Variants in C2CD2 observed in about 807,000 individuals in gnomAD.
C2CD2 encodes C2 domain-containing protein 2.
A neutral mutation model predicts 74.3 loss-of-function variants in C2CD2; 43 were observed. That is an observed-to-expected ratio of 0.58 (90% CI 0.45 to 0.75). C2CD2 has a LOEUF of 0.75. C2CD2 is among the 30% of genes least tolerant of loss of function. The probability of loss-of-function intolerance (pLI) is 0.00; values close to 1 mark genes in which losing one functional copy is unlikely to be tolerated. For synonymous variants in C2CD2, 422 were observed against 390.7 expected, an observed-to-expected ratio of 1.08 and a Z score of -0.94; for missense variants, 801 against 916.3, an observed-to-expected ratio of 0.87 and a Z score of 1.63.
intron 13 of C2CD2, among the ~76,000 whole-genome samples, chr21:41,893,405 A>C (rs2064780296): frequency 6.6e-6 from 1 of 152,192 alleles, no homozygotes; most frequent in Non-Finnish European, 1.5e-5. Context: ...AAACTGCCTA[A>C]AATTCTAATT....
rs190879129 is a variant in C2CD2, at chr21:41,888,085, C to T, written c.*1039G>A. On this transcript the variant is annotated 3_prime_UTR_variant, in exon 14 of 14. Transcript: ENST00000380486. ...GACTGTTCACAGCAAAATTCTGAAG[C>T]GCTCATAGAAGGAATGTCCTGCGAG... 680 of 152,736 alleles carry T rather than the reference C, an allele frequency of 4.5e-3. 8 individuals are homozygous for T. The highest frequency in any genetic ancestry group is 6.7e-3 in the Non-Finnish European group (459 of 68,040). The allele number at this position is 152,736 out of a possible 1,614,324, so 9.5% of individuals were successfully genotyped here. A position where few individuals can be genotyped will look rare whatever the true frequency, so the allele number is the denominator to read the frequency against.
At position 41,916,664 on chromosome 21, in the gene C2CD2, TACACACACACAC is replaced by T. The variant is rs10580778; in HGVS notation, c.720+1429_720+1440del. Among the ~76,000 whole-genome samples, 103 of 144,746 alleles carry T rather than the reference TACACACACACAC, an allele frequency of 7.1e-4. 1 individual carries two copies. Among genetic ancestry groups the T allele is most frequent in the South Asian group, 4.1e-3 (18 of 4,352 alleles). The allele number at this position is 144,746 out of a possible 152,430, so 95.0% of individuals were successfully genotyped here. A position where few individuals can be genotyped will look rare whatever the true frequency, so the allele number is the denominator to read the frequency against. ...AGCCTTCATAACTGTGTGAGCTGAT[TACACACACACAC>T]ACACACACACACACACACACACACA... On this transcript the variant is annotated intron_variant, in intron 5 of 13. Coordinates refer to ENST00000380486, the MANE Select transcript of C2CD2 (RefSeq NM_015500.2).
chr21:41,910,233 C>CT (rs201499710), intron 7 of C2CD2, among the ~76,000 whole-genome samples: 2,444 of 152,260 alleles, frequency 0.016, 70 homozygotes, highest in African/African-American at 0.056. Context: ...GCTCTTTGCC[C>CT]TTAGGAGATT....
chr21:41,926,955 C>G lies in C2CD2; in HGVS notation c.379-4870G>C, dbSNP rs1363864177. On this transcript the variant is annotated intron_variant, in intron 2 of 13. Transcript: ENST00000380486. This position sits in a 1 kb window ranked among gnomAD's most constrained non-coding sequence, Gnocchi z 8.0. The stretch of plus-strand genomic sequence containing the variant: ...ACCCTTCAGTAATCATCTGGATTTC[C>G]TAGTCAGATGTCTTTCCCCACTCTG... Among the ~76,000 whole-genome samples the G allele has an allele frequency of 6.6e-6, 1 of 152,186 alleles. No homozygotes were observed. Among genetic ancestry groups the G allele is most frequent in the African/African-American group, 2.4e-5 (1 of 41,456 alleles).
intron 1 of C2CD2, chr21:41,953,083 C>A: frequency 2.8e-6 from 1 of 358,944 alleles, no homozygotes; most frequent in Non-Finnish European, 5.0e-6. Flanking sequence ...CTGGCTGGCG[C>A]GGATGAGCAC....
Position 41,945,116 on chromosome 21 carries a change from T to A in C2CD2, c.280-2871A>T, listed in dbSNP as rs1445397646. ...TAGAACTGAACACATAAGTAGTAAG[T>A]AAATAAGACAGCAGGTGTGCAATGT... On this transcript the variant is annotated intron_variant, in intron 1 of 13. Coordinates refer to ENST00000380486, the MANE Select transcript of C2CD2 (RefSeq NM_015500.2). This position sits in a 1 kb window ranked among gnomAD's most constrained non-coding sequence, Gnocchi z 4.2. 6.6e-6 allele frequency among the ~76,000 whole-genome samples: 1 copy of A among 152,178 alleles called. No individual in the cohort carries two copies. The highest frequency in any genetic ancestry group is 1.5e-5 in the Non-Finnish European group (1 of 68,026).
At chr21:41,906,099 C>T (rs2146164365) in intron 10 of C2CD2, among the ~76,000 whole-genome samples, 1 of 152,332 alleles carries the variant, frequency 6.6e-6, no homozygotes, top group East Asian at 1.9e-4. Context: ...CTCATGCACT[C>T]TGGGAGGATA....
At chr21:41,907,228 G>A in intron 9 of C2CD2, 62 bp from the exon 10 acceptor site, 1 of 1,279,044 alleles carries the variant, frequency 7.8e-7, no homozygotes, top group Non-Finnish European at 1.1e-6. Flanking sequence ...TGATCAGCCA[G>A]GTAACACTGC....
intron 2 of C2CD2, among the ~76,000 whole-genome samples, chr21:41,930,712 A>C (rs1292262913): frequency 8.4e-6 from 1 of 119,108 alleles, no homozygotes; most frequent in Non-Finnish European, 2.0e-5. Context: ...AAAACAAAAC[A>C]AAAAAAAAAA....
rs1454011807 is a variant in C2CD2, at chr21:41,886,067, C to T, written c.*3057G>A. On this transcript the variant is annotated 3_prime_UTR_variant, in exon 14 of 14. Coordinates refer to ENST00000380486, the MANE Select transcript of C2CD2 (RefSeq NM_015500.2). ...CACTTAAAGCTCCATTTCACTCCTCCACAAAGAACAGAGGCACCTCCTTAA... is the reference window on the plus strand; with the variant it reads ...CACTTAAAGCTCCATTTCACTCCTCTACAAAGAACAGAGGCACCTCCTTAA... 6.6e-6 allele frequency: 1 copy of T among 152,242 alleles called. No homozygotes were observed. The highest frequency in any genetic ancestry group is 2.4e-5 in the African/African-American group (1 of 41,444). The allele number at this position is 152,242 out of a possible 1,614,324, so 9.4% of individuals were successfully genotyped here. A position where few individuals can be genotyped will look rare whatever the true frequency, so the allele number is the denominator to read the frequency against.
chr21:41,934,733 G>A (rs1321200762), intron 2 of C2CD2, among the ~76,000 whole-genome samples: 1 of 152,184 alleles, frequency 6.6e-6, no homozygotes, highest in African/African-American at 2.4e-5. Flanking sequence ...CCGTCTAGGG[G>A]GTGGACAGTA....
intron 4 of C2CD2, 148 bp from the exon 5 acceptor site, chr21:41,918,375 A>G (rs2065116583): frequency 1.1e-6 from 1 of 915,872 alleles, no homozygotes; most frequent in African/African-American, 1.7e-5. Flanking sequence ...AAAACTGTGG[A>G]AAGAAAGGAC....
In C2CD2 at chr21:41,905,820, G is replaced by A. The variant is rs748046327; in HGVS notation, c.1336C>T (p.Pro446Ser). ...PLSSDSPVKTPIKVKVIEKDI... is the reference protein window; with the variant it reads ...PLSSDSPVKTSIKVKVIEKDI... Reference sequence around the variant, plus strand: ...TTCTCGATCACCTTCACCTTGATGGGAGTCTTCACCGGAGAATCTGCCAGA... The same window carrying A: ...TTCTCGATCACCTTCACCTTGATGGAAGTCTTCACCGGAGAATCTGCCAGA... Residue 446 changes from proline to serine, a missense_variant, in exon 11 of 14, where the codon CCC becomes TCC. Transcript: ENST00000380486. 8 of 1,596,942 alleles carry A rather than the reference G, an allele frequency of 5.0e-6. No homozygotes were observed. Among genetic ancestry groups the A allele is most frequent in the Non-Finnish European group, 5.2e-6 (6 of 1,164,350 alleles).
At position 41,939,458 on chromosome 21, in the gene C2CD2, G is replaced by C. The variant is rs2065336639; in HGVS notation, c.378+2689C>G. On this transcript the variant is annotated intron_variant, in intron 2 of 13. Coordinates refer to ENST00000380486, the MANE Select transcript of C2CD2 (RefSeq NM_015500.2). The surrounding 1 kb of genome is among the most constrained non-coding windows in gnomAD (Gnocchi z 5.5). ...ATACAGAAACCACCCAGCCACAAAG[G>C]GATGAAGTCTCTATTTGCCACAAAT... 1.3e-5 allele frequency among the ~76,000 whole-genome samples: 2 copies of C among 152,150 alleles called. No homozygotes were observed. The highest frequency in any genetic ancestry group is 1.3e-4 in the Admixed American group (2 of 15,278).
intron 7 of C2CD2, among the ~76,000 whole-genome samples, chr21:41,910,305 A>G (rs1364512274): frequency 6.6e-6 from 1 of 152,176 alleles, no homozygotes; most frequent in African/African-American, 2.4e-5. Flanking sequence ...CCACTATTTC[A>G]TAACTATACA....
intron 2 of C2CD2, among the ~76,000 whole-genome samples, chr21:41,935,393 C>A (rs568333297): frequency 6.6e-6 from 1 of 152,344 alleles, no homozygotes; most frequent in Non-Finnish European, 1.5e-5. Flanking sequence ...TCTTCTGTGT[C>A]TTTCAAGTTT....
chr21:41,949,163 G>A (rs963389355), intron 1 of C2CD2, among the ~76,000 whole-genome samples: 4 of 151,998 alleles, frequency 2.6e-5, no homozygotes, highest in East Asian at 1.9e-4. Flanking sequence ...CACGGGCAGC[G>A]GCCATCAGAG....
Position 41,887,780 on chromosome 21 carries a change from A to C in C2CD2, c.*1344T>G, listed in dbSNP as rs549438526. ...TGCCCATTTCCGTCTCCATGACAGA[A>C]GCCAAGCTTTCGTAACAGCCTTTTA... On this transcript the variant is annotated 3_prime_UTR_variant, in exon 14 of 14. Transcript: ENST00000380486. The C allele has an allele frequency of 6.6e-6, 1 of 152,364 alleles. No homozygotes were observed. Among genetic ancestry groups the C allele is most frequent in the East Asian group, 1.9e-4 (1 of 5,192 alleles). The allele number at this position is 152,364 out of a possible 1,614,324, so 9.4% of individuals were successfully genotyped here.
At chr21:41,925,192 A>G (rs2065196992) in intron 2 of C2CD2, among the ~76,000 whole-genome samples, 2 of 152,196 alleles carry the variant, frequency 1.3e-5, no homozygotes, top group African/African-American at 2.4e-5. Flanking sequence ...AGTTAATTAA[A>G]GAAACAATTT....
Sources: gnomAD v4.1 joint callset for allele counts (sites outside exome capture counted in the v4.1 genomes callset) on GRCh38, gnomAD v4.1.1 for gene constraint, Gnocchi (gnomAD v3.1) non-coding constraint, MANE v1.5 for transcripts, NCBI Gene and HGNC (gene_info 2026-07-23, HGNC 2026-07-21) for gene names.